The following RELN variants were observed in gnomAD, a reference collection of about 807,000 sequenced individuals.
RELN encodes reelin.
Under a neutral mutation model 427.6 loss-of-function variants are expected in RELN, and 108 were observed. That is an observed-to-expected ratio of 0.25 (90% CI 0.22 to 0.30). The LOEUF (loss-of-function observed/expected upper bound fraction) is 0.30, where lower values mean the gene tolerates loss of function less well. RELN is among the 10% of genes least tolerant of loss of function. The pLI, the probability that RELN is intolerant of heterozygous loss-of-function variation, is 1.00. For synonymous variants in RELN, 1,524 were observed against 1,513.4 expected (o/e 1.01, Z -0.16); for missense variants, 3,715 against 4,302.8 (o/e 0.86, Z 3.82).
Position 103,833,685 on chromosome 7 carries a change from A to G in RELN, c.338-13T>C. ...TCAGACATGATCCCTAAGAGAAAGG[A>G]AGGAGAGTTGTTACAAAGACAACAA... On this transcript the variant is annotated splice_polypyrimidine_tract_variant and intron_variant, in intron 2 of 64. Coordinates refer to ENST00000428762, the MANE Select transcript of RELN (RefSeq NM_005045.4). The G allele has an allele frequency of 1.2e-6, 2 of 1,611,610 alleles. No individual in the cohort carries two copies. The highest frequency in any genetic ancestry group is 1.7e-6 in the Non-Finnish European group (2 of 1,178,290).
chr7:103,640,442 A>G lies in RELN; in HGVS notation c.2069+101T>C. ...AAATATCCAACTTTTTGTCTTAAAA[A>G]GATCCCCGATCCTAAAAAAGGTTAT... On this transcript the variant is annotated intron_variant, in intron 17 of 64. Transcript: ENST00000428762. This position sits in a 1 kb window ranked among gnomAD's most constrained non-coding sequence, Gnocchi z 4.1. The G allele has an allele frequency of 1.7e-6, 2 of 1,187,110 alleles. No individual in the cohort carries two copies. Among genetic ancestry groups the G allele is most frequent in the Non-Finnish European group, 2.5e-6 (2 of 802,728 alleles). 73.5% of individuals were successfully genotyped at this position (1,187,110 alleles called of 1,614,324 possible).
At chr7:103,872,043 C>CTTTTTTTTTT (rs374943426) in intron 2 of RELN, among the ~76,000 whole-genome samples, 1 of 119,548 alleles carries the variant, frequency 8.4e-6, no homozygotes, top group Non-Finnish European at 1.9e-5. Context: ...TTTCTTTTTT[C>CTTTTTTTTTT]TTTTTTTTCT....
intron 2 of RELN, among the ~76,000 whole-genome samples, chr7:103,854,066 G>A (rs930419365): frequency 3.6e-4 from 55 of 152,076 alleles, no homozygotes; most frequent in African/African-American, 1.1e-3. Flanking sequence ...TATATGTATC[G>A]AAATGTCACT....
chr7:103,678,478 G>A (rs1233523133), intron 11 of RELN, among the ~76,000 whole-genome samples: 2 of 152,160 alleles, frequency 1.3e-5, no homozygotes, highest in South Asian at 2.1e-4. Flanking sequence ...TATCAACACC[G>A]GATTTCGGAC....
intron 64 of RELN, among the ~76,000 whole-genome samples, chr7:103,473,723 G>C (rs545656609): frequency 2.2e-4 from 34 of 152,294 alleles, no homozygotes; most frequent in Admixed American, 7.2e-4. Context: ...AGTAGTGACA[G>C]CTGTTAATGT....
At chr7:103,670,245 T>C (rs1833361353) in intron 11 of RELN, among the ~76,000 whole-genome samples, 1 of 152,124 alleles carries the variant, frequency 6.6e-6, no homozygotes, top group Non-Finnish European at 1.5e-5. Context: ...GCAATAACTA[T>C]CAAAACTGAA....
intron 8 of RELN, among the ~76,000 whole-genome samples, chr7:103,715,356 A>T (rs965100064): frequency 1.3e-5 from 2 of 152,224 alleles, no homozygotes; most frequent in African/African-American, 4.8e-5. Flanking sequence ...ATATAGAAAA[A>T]GAACCAGGTT....
chr7:103,942,944 T>G (rs907618109), intron 1 of RELN, among the ~76,000 whole-genome samples: 1 of 151,808 alleles, frequency 6.6e-6, no homozygotes. Flanking sequence ...AGTGGTAAAG[T>G]TGGAGAACCA....
chr7:103,702,580 T>A (rs1834116355), intron 8 of RELN, among the ~76,000 whole-genome samples: 1 of 152,232 alleles, frequency 6.6e-6, no homozygotes, highest in East Asian at 1.9e-4. Flanking sequence ...CTCTTGTCTA[T>A]TTTCTTATGC....
chr7:103,785,725 T>C (rs1219570741), intron 3 of RELN, among the ~76,000 whole-genome samples: 1 of 152,158 alleles, frequency 6.6e-6, no homozygotes, highest in African/African-American at 2.4e-5. Context: ...CTAGAAATGT[T>C]GTGCTATTTA....
chr7:103,476,524 G>A (rs1372914390), intron 64 of RELN, among the ~76,000 whole-genome samples: 1 of 152,042 alleles, frequency 6.6e-6, no homozygotes, highest in South Asian at 2.1e-4. Context: ...CACTATCAAA[G>A]CATCGTGGAA....
chr7:103,723,305 A>G (rs1161868871), intron 7 of RELN, 114 bp from the exon 8 acceptor site: 2 of 694,944 alleles, frequency 2.9e-6, no homozygotes, highest in Non-Finnish European at 5.3e-6. Flanking sequence ...GAGGAAATCC[A>G]TTAACAGAAG....
chr7:103,624,795 A>G (rs775824675), intron 20 of RELN, among the ~76,000 whole-genome samples: 28 of 151,990 alleles, frequency 1.8e-4, no homozygotes, highest in Non-Finnish European at 2.8e-4. Context: ...TTGTACTTTC[A>G]CTACTTTAGG....
chr7:103,653,764 T>C (rs1025660261), intron 13 of RELN, among the ~76,000 whole-genome samples: 1 of 152,056 alleles, frequency 6.6e-6, no homozygotes, highest in Admixed American at 6.6e-5. Flanking sequence ...ATACTCATTA[T>C]GACTGACAGC....
intron 1 of RELN, among the ~76,000 whole-genome samples, chr7:103,946,449 T>G (rs1796222238): frequency 2.0e-5 from 3 of 152,170 alleles, no homozygotes; most frequent in African/African-American, 7.2e-5. Flanking sequence ...TTTTGTAAAC[T>G]GGGTCTGTAA....
intron 1 of RELN, among the ~76,000 whole-genome samples, chr7:103,933,246 T>C (rs1795903199): frequency 6.6e-6 from 1 of 152,182 alleles, no homozygotes; most frequent in Non-Finnish European, 1.5e-5. Flanking sequence ...GAGTATGCAT[T>C]ACCTTTGTTT....
At chr7:103,760,160 G>C (rs920154246) in intron 4 of RELN, among the ~76,000 whole-genome samples, 4 of 151,296 alleles carry the variant, frequency 2.6e-5, no homozygotes, top group South Asian at 2.1e-4. Context: ...TATAAACATG[G>C]ATCCTTAGAT....
chr7:103,959,143 A>G (rs546939484), intron 1 of RELN, among the ~76,000 whole-genome samples: 178 of 152,184 alleles, frequency 1.2e-3, no homozygotes, highest in Non-Finnish European at 2.0e-3. Flanking sequence ...GGGCTTTGCC[A>G]TGTTGGCCAG....
At chr7:103,746,148 C>G (rs369230192) in intron 6 of RELN, among the ~76,000 whole-genome samples, 1 of 151,996 alleles carries the variant, frequency 6.6e-6, no homozygotes, top group African/African-American at 2.4e-5. Flanking sequence ...ACAAACCTGA[C>G]AAAAACAAGC....
Sources: allele counts gnomAD v4.1 joint callset (sites outside exome capture counted in the v4.1 genomes callset), GRCh38; gene constraint gnomAD v4.1.1; non-coding constraint Gnocchi (gnomAD v3.1); transcripts MANE v1.5; gene names NCBI Gene and HGNC (gene_info 2026-07-23, HGNC 2026-07-21).